Variants in KRT16 observed in about 807,000 individuals in gnomAD.
KRT16 encodes keratin, type I cytoskeletal 16.
A neutral mutation model predicts 44.8 loss-of-function variants in KRT16; 42 were observed. The ratio of observed to expected loss-of-function variants is 0.94; its 90% CI spans 0.73 to 1.21. KRT16 has a LOEUF of 1.21. KRT16 is among the 50% of genes most tolerant of loss of function. KRT16 has a pLI of 0.00. For synonymous variants in KRT16, 226 were observed against 260.4 expected, an observed-to-expected ratio of 0.87 and a Z score of 1.27; for missense variants, 561 against 626.9, an observed-to-expected ratio of 0.89 and a Z score of 1.12.
At position 41,610,047 on chromosome 17, in the gene KRT16, G is replaced by A. The variant is rs1374499344; in HGVS notation, c.1328-18C>T. The A allele has an allele frequency of 1.3e-6, 2 of 1,596,736 alleles. No individual in the cohort carries two copies. Among genetic ancestry groups the A allele is most frequent in the Non-Finnish European group, 1.7e-6 (2 of 1,166,312 alleles). ...GGTGAAGACTGTGGGAGAGAGAAGA[G>A]GAGGTGAGAAGGGGTCTGAGAGCTA... On this transcript the variant is annotated intron_variant, in intron 7 of 7. Coordinates refer to ENST00000301653, the MANE Select transcript of KRT16 (RefSeq NM_005557.4).
In KRT16 at chr17:41,611,152, G is replaced by A. The variant is rs202223973; in HGVS notation, c.850C>T (p.Arg284Cys). The A allele has an allele frequency of 1.9e-5, 31 of 1,613,970 alleles. No individual in the cohort carries two copies. The highest frequency in any genetic ancestry group is 1.6e-4 in the African/African-American group (12 of 75,036). ...MDAAPGVDLS[R>C]ILNEMRDQYE... is the part of the protein sequence containing the mutation. ...TGGTCACGCATCTCATTCAGGATGCGGCTCAGGTCCACGCCAGGTGCAGCA... is the reference window on the plus strand; with the variant it reads ...TGGTCACGCATCTCATTCAGGATGCAGCTCAGGTCCACGCCAGGTGCAGCA... Residue 284 changes from arginine (R) to cysteine (C), a missense_variant, in exon 4 of 8, where the codon CGC (arginine) becomes TGC (cysteine). By Grantham distance (180) the Arg-to-Cys change is radical. Coordinates refer to ENST00000301653, the MANE Select transcript of KRT16 (RefSeq NM_005557.4).
chr17:41,610,574 G>A, intron 5 of KRT16, 23 bp from the exon 6 acceptor site: 1 of 1,611,410 alleles, frequency 6.2e-7, no homozygotes, highest in Non-Finnish European at 8.5e-7. Context: ...GAGAGAAAAA[G>A]AGTCCATGGA....
At chr17:41,610,786 G>T (rs1022825792) in intron 5 of KRT16, 68 bp downstream of exon 5, 25 of 1,609,356 alleles carry the variant, frequency 1.6e-5, no homozygotes, top group Non-Finnish European at 2.1e-5. Context: ...ACTAGACTGT[G>T]GCTTTTTGAG....
chr17:41,609,936 T>G lies in KRT16; in HGVS notation c.1421A>C (p.Ter474SerextTer2). ...GGCTGTGGTAGAGGCAGCTCAGTTC[T>G]AGGAGCTCTGGCCCTGGCTGAAGCT... ...SSSFSQGQSS[*>S] The change falls in exon 8 of 8, where the codon TAG becomes TCG. Residue 474 changes from the stop codon to serine, a stop_lost. Coordinates refer to ENST00000301653, the MANE Select transcript of KRT16 (RefSeq NM_005557.4). 6.2e-7 allele frequency: 1 copy of G among 1,611,556 alleles called. No individual in the cohort carries two copies. Among genetic ancestry groups the G allele is most frequent in the South Asian group, 1.1e-5 (1 of 90,900 alleles).
rs113500657 is a variant in KRT16 at position 41,611,075 on chromosome 17, C to T, written c.927G>A (p.Leu309=). The change falls in exon 4 of 8, where the codon CTG becomes CTA. Residue 309 remains leucine, a synonymous_variant. Coordinates refer to ENST00000301653, the MANE Select transcript of KRT16 (RefSeq NM_005557.4). ...KNRRDAETWF[L]SKTEELNKEV... is the part of the protein sequence containing the mutation. Reference sequence around the variant, plus strand: ...CTGCGGGCCCGAGCCCCACCTTGCTCAGGAACCAGGTCTCAGCGTCTCTGC... The same window carrying T: ...CTGCGGGCCCGAGCCCCACCTTGCTTAGGAACCAGGTCTCAGCGTCTCTGC... 5.3e-4 allele frequency: 857 copies of T among 1,614,034 alleles called. 7 individuals carry two copies. In the African/African-American group the frequency reaches 9.4e-3, roughly 18 times the overall value.
chr17:41,612,703 A>G lies in KRT16; in HGVS notation c.-15T>C, dbSNP rs755692257. ...CAGGTGGTCATGGTGCCAAGGAGGG[A>G]GGTGAGCGAGTGAGCAGTTGGCTGA... is the stretch of plus-strand genomic sequence containing the variant. On this transcript the variant is annotated 5_prime_UTR_variant, in exon 1 of 8. Coordinates refer to ENST00000301653, the MANE Select transcript of KRT16 (RefSeq NM_005557.4). The G allele has an allele frequency of 6.3e-7, 1 of 1,579,950 alleles. No homozygotes were observed. The highest frequency in any genetic ancestry group is 1.1e-5 in the South Asian group (1 of 87,548).
In KRT16 at chr17:41,612,668, C is replaced by G; in HGVS notation, c.21G>C (p.Gln7His). MTTCSRQFTSSSSMKGS... is the reference protein window; with the variant it reads MTTCSRHFTSSSSMKGS... Reference sequence around the variant, plus strand: ...CCTTCATGGAGCTGGAGGAGGTGAACTGGCGGCTGCAGGTGGTCATGGTGC... The same window carrying G: ...CCTTCATGGAGCTGGAGGAGGTGAAGTGGCGGCTGCAGGTGGTCATGGTGC... Residue 7 changes from glutamine (Q) to histidine (H), a missense_variant, in exon 1 of 8, where the codon CAG becomes CAC. Coordinates refer to ENST00000301653, the MANE Select transcript of KRT16 (RefSeq NM_005557.4). 2 of 1,599,614 alleles carry G rather than the reference C, an allele frequency of 1.3e-6. No homozygotes were observed. The highest frequency in any genetic ancestry group is 1.1e-5 in the South Asian group (1 of 89,360).
In KRT16 at chr17:41,611,240, G is replaced by C. The variant is rs1567744949; in HGVS notation, c.772-10C>G. 1.2e-6 allele frequency: 2 copies of C among 1,613,886 alleles called. No homozygotes were observed. Among genetic ancestry groups the C allele is most frequent in the Non-Finnish European group, 1.7e-6 (2 of 1,179,876 alleles). ...TCAGAGCAAGCATCTCCTGGGAAGG[G>C]ATGGCAGGAGGCGGTCAGTTCAGCA... On this transcript the variant is annotated splice_polypyrimidine_tract_variant and intron_variant, in intron 3 of 7. Transcript: ENST00000301653.
Position 41,612,558 on chromosome 17 carries a change from C to G in KRT16, c.131G>C (p.Ser44Thr). The change falls in exon 1 of 8, where the codon AGC (serine) becomes ACC (threonine). Residue 44 changes from serine to threonine, a missense_variant. Coordinates refer to ENST00000301653, the MANE Select transcript of KRT16 (RefSeq NM_005557.4). ...VLAGGSCRAPSTYGGGLSVSS... is the reference protein window; with the variant it reads ...VLAGGSCRAPTTYGGGLSVSS... ...GACAGACAGGCCGCCCCCGTAGGTG[C>G]TGGGGGCACGGCAGGACCCTCCGGC... 3 of 1,595,474 alleles carry G rather than the reference C, an allele frequency of 1.9e-6. No individual in the cohort carries two copies. The highest frequency in any genetic ancestry group is 2.6e-6 in the Non-Finnish European group (3 of 1,171,392).
chr17:41,610,459 C>T lies in KRT16; in HGVS notation c.1152G>A (p.Glu384=), dbSNP rs376747202. ...QIQGLIGSVE[E]QLAQLRCEME... ...TCTCACAGCGTAGCTGGGCCAGCTGCTCCTCCACACTGCCAATCAGTCCCT... is the reference window on the plus strand; with the variant it reads ...TCTCACAGCGTAGCTGGGCCAGCTGTTCCTCCACACTGCCAATCAGTCCCT... Residue 384 remains glutamate (E), a synonymous_variant, in exon 6 of 8, where the codon GAG becomes GAA. Transcript: ENST00000301653. 31 of 1,612,068 alleles carry T rather than the reference C, an allele frequency of 1.9e-5. No individual in the cohort carries two copies. Among genetic ancestry groups the T allele is most frequent in the Non-Finnish European group, 2.5e-5 (29 of 1,179,876 alleles).
chr17:41,611,504 G>A lies in KRT16; in HGVS notation c.615-3C>T. The A allele has an allele frequency of 6.2e-7, 1 of 1,613,518 alleles. No homozygotes were observed. The highest frequency in any genetic ancestry group is 8.5e-7 in the Non-Finnish European group (1 of 1,179,958). ...GCAGGGCCAGTTCATGCTCATACCT[G>A]GCAGGACAGAGGTCAGGTCCTCAGG... On this transcript the variant is annotated splice_polypyrimidine_tract_variant and splice_region_variant and intron_variant, in intron 2 of 7. Transcript: ENST00000301653.
At chr17:41,610,679 T>C (rs1360121216) in intron 5 of KRT16, 128 bp from the exon 6 acceptor site, 11 of 1,465,772 alleles carry the variant, frequency 7.5e-6, no homozygotes, top group South Asian at 1.1e-5. Context: ...CCAGACAATA[T>C]GGAGAAAAGC....
Position 41,612,412 on chromosome 17 carries a change from C to T in KRT16, c.277G>A (p.Gly93Ser). 6.2e-7 allele frequency: 1 copy of T among 1,614,152 alleles called. No homozygotes were observed. Among genetic ancestry groups the T allele is most frequent in the Non-Finnish European group, 8.5e-7 (1 of 1,180,038 alleles). The stretch of plus-strand genomic sequence containing the variant: ...CCAGCACCCAAGCCACCACCGAAGC[C>T]AGCACCAAGGCCACCACCATATCCT... The part of the protein sequence containing the change: ...GGGYGGGLGA[G>S]FGGGLGAGFG... The change falls in exon 1 of 8, where the codon GGC becomes AGC. Residue 93 changes from glycine to serine, a missense_variant. Gly to Ser is a moderately conservative substitution (Grantham distance 56, BLOSUM62 0). Coordinates refer to ENST00000301653, the MANE Select transcript of KRT16 (RefSeq NM_005557.4).
Position 41,611,682 on chromosome 17 carries a change from G to T in KRT16, c.571C>A (p.Gln191Lys). Residue 191 changes from glutamine (Q) to lysine (K), a missense_variant, in exon 2 of 8, where the codon CAG becomes AAG. Coordinates refer to ENST00000301653, the MANE Select transcript of KRT16 (RefSeq NM_005557.4). ...ATIENAQPIL[Q>K]IDNARLAADD... ...GCTGCCAGCCTGGCATTGTCAATCT[G>T]CAAAATGGGCTGCGCATTCTCAATG... is the stretch of plus-strand genomic sequence containing the variant. 6.2e-7 allele frequency: 1 copy of T among 1,611,328 alleles called. No homozygotes were observed. Among genetic ancestry groups the T allele is most frequent in the Non-Finnish European group, 8.5e-7 (1 of 1,179,564 alleles).
At position 41,612,044 on chromosome 17, in the gene KRT16, T is replaced by C. The variant is rs758187645; in HGVS notation, c.531+114A>G. ...CACTTCCCTGGGTGATCCTGGCCAC[T>C]CCCCAAAGGTGCCCAGTCTCCCTGT... is the stretch of plus-strand genomic sequence containing the variant. On this transcript the variant is annotated intron_variant, in intron 1 of 7. Coordinates refer to ENST00000301653, the MANE Select transcript of KRT16 (RefSeq NM_005557.4). The C allele has an allele frequency of 1.4e-4, 180 of 1,316,902 alleles. 1 individual carries two copies. The highest frequency in any genetic ancestry group is 1.9e-4 in the Non-Finnish European group (169 of 911,712). 81.6% of individuals were successfully genotyped at this position (1,316,902 alleles called of 1,614,324 possible).
chr17:41,610,712 G>T, intron 5 of KRT16, 142 bp downstream of exon 5: 1 of 1,486,994 alleles, frequency 6.7e-7, no homozygotes, highest in Non-Finnish European at 9.3e-7. Flanking sequence ...CTAGGGCTTA[G>T]TTTCTCTATC....
chr17:41,609,958 A>G lies in KRT16; in HGVS notation c.1399T>C (p.Phe467Leu). 19 of 1,611,890 alleles carry G rather than the reference A, an allele frequency of 1.2e-5. No individual in the cohort carries two copies. The highest frequency in any genetic ancestry group is 1.6e-5 in the Non-Finnish European group (19 of 1,179,822). Residue 467 changes from phenylalanine (F) to leucine (L), a missense_variant, in exon 8 of 8, where the codon TTC (phenylalanine) becomes CTC (leucine). Physicochemically the swap from Phe to Leu is conservative, Grantham distance 22. Coordinates refer to ENST00000301653, the MANE Select transcript of KRT16 (RefSeq NM_005557.4). ...TTCTAGGAGCTCTGGCCCTGGCTGA[A>G]GCTGGATGAGCTCTGCTCCTTGAGG... ...PILKEQSSSS[F>L]SQGQSS is the part of the protein sequence containing the mutation.
Position 41,609,906 on chromosome 17 carries a change from CAG to C in KRT16, c.*27_*28del. On this transcript the variant is annotated 3_prime_UTR_variant, in exon 8 of 8. Transcript: ENST00000301653. ...TCAGGAGGTGAGGCCAGCTGGTGGG[CAG>C]GAGGCTGTGGTAGAGGCAGCTCAGT... 6.2e-7 allele frequency: 1 copy of C among 1,603,318 alleles called. No homozygotes were observed. The highest frequency in any genetic ancestry group is 8.5e-7 in the Non-Finnish European group (1 of 1,172,788).
At position 41,609,962 on chromosome 17, in the gene KRT16, G is replaced by A; in HGVS notation, c.1395C>T (p.Ser465=). ...TRPILKEQSS[S]SFSQGQSS is the part of the protein sequence containing the mutation. Reference sequence around the variant, plus strand: ...AGGAGCTCTGGCCCTGGCTGAAGCTGGATGAGCTCTGCTCCTTGAGGATGG... The same window carrying A: ...AGGAGCTCTGGCCCTGGCTGAAGCTAGATGAGCTCTGCTCCTTGAGGATGG... Residue 465 remains serine (S), a synonymous_variant, in exon 8 of 8, where the codon TCC becomes TCT. Coordinates refer to ENST00000301653, the MANE Select transcript of KRT16 (RefSeq NM_005557.4). The A allele has an allele frequency of 1.2e-6, 2 of 1,611,888 alleles. No homozygotes were observed. The highest frequency in any genetic ancestry group is 1.7e-6 in the Non-Finnish European group (2 of 1,179,816).
Sources: gnomAD v4.1 joint callset for allele counts on GRCh38, gnomAD v4.1.1 for gene constraint, MANE v1.5 for transcripts, NCBI Gene and HGNC (gene_info 2026-07-23, HGNC 2026-07-21) for gene names.